CIT: variants seen among roughly 807,000 people sequenced by gnomAD.
CIT encodes the protein citron rho-interacting serine/threonine kinase, also known as citron Rho-interacting kinase.
In CIT, 79 loss-of-function variants were observed where a neutral mutation model predicts 272.7. The observed-to-expected ratio is 0.29, with a 90% CI of 0.24 to 0.35. The LOEUF is 0.35. Among genes scored for constraint, CIT ranks in the 10% least tolerant of loss-of-function variants. The pLI is 1.00. For synonymous variants in CIT, 948 were observed against 995.6 expected, an observed-to-expected ratio of 0.95 and a Z score of 0.90; for missense variants, 1,909 against 2,618.3, an observed-to-expected ratio of 0.73 and a Z score of 5.91.
chr12:119,802,018 T>G (rs1315025298), intron 10 of CIT, among the ~76,000 whole-genome samples: 1 of 152,130 alleles, frequency 6.6e-6, no homozygotes, highest in African/African-American at 2.4e-5. Flanking sequence ...CTCTGAAATC[T>G]TTTCAGGAAC....
chr12:119,852,571 G>A (rs1041651644), intron 4 of CIT, among the ~76,000 whole-genome samples: 1 of 151,924 alleles, frequency 6.6e-6, no homozygotes, highest in African/African-American at 2.4e-5. Flanking sequence ...ACAAAAATTA[G>A]CTGGGCATGG....
At chr12:119,793,924 G>A (rs2137798882) in intron 10 of CIT, among the ~76,000 whole-genome samples, 1 of 152,314 alleles carries the variant, frequency 6.6e-6, no homozygotes, top group Admixed American at 6.5e-5. Context: ...AGGGATTTTT[G>A]TCTCATAGTC....
At chr12:119,794,907 A>C (rs1965609346) in intron 10 of CIT, among the ~76,000 whole-genome samples, 1 of 152,230 alleles carries the variant, frequency 6.6e-6, no homozygotes, top group Non-Finnish European at 1.5e-5. Flanking sequence ...AGGCGACCTT[A>C]CACCTTCCAC....
intron 2 of CIT, among the ~76,000 whole-genome samples, chr12:119,870,863 G>A (rs1330421666): frequency 6.6e-6 from 1 of 152,156 alleles, no homozygotes; most frequent in Middle Eastern, 3.4e-3. Flanking sequence ...GCTCACACCT[G>A]TAATTCCAAC....
intron 5 of CIT, among the ~76,000 whole-genome samples, chr12:119,840,144 C>T (rs143962068): frequency 6.6e-6 from 1 of 152,234 alleles, no homozygotes; most frequent in East Asian, 1.9e-4. Flanking sequence ...CAGTGAGACC[C>T]CCATCCTTAC....
chr12:119,729,342 T>C (rs150186382), intron 27 of CIT, among the ~76,000 whole-genome samples: 5 of 152,336 alleles, frequency 3.3e-5, no homozygotes, highest in Admixed American at 3.3e-4. Context: ...TCTATTAATA[T>C]AAGTATCCGG....
intron 32 of CIT, among the ~76,000 whole-genome samples, chr12:119,717,834 C>CTTTTTTTTT (rs546520444): frequency 1.7e-4 from 12 of 70,238 alleles, no homozygotes; most frequent in African/African-American, 5.0e-4. Flanking sequence ...AGACTGACTT[C>CTTTTTTTTT]TTTCTTTTTT....
At chr12:119,698,182 A>G in intron 44 of CIT, 128 bp from the exon 45 acceptor site, 1 of 781,678 alleles carries the variant, frequency 1.3e-6, no homozygotes, top group Non-Finnish European at 2.2e-6. Flanking sequence ...ACAAATACAT[A>G]TCTATGCGCC....
chr12:119,793,106 TTATATA>T (rs1036172292), intron 10 of CIT, among the ~76,000 whole-genome samples: 1 of 151,950 alleles, frequency 6.6e-6, no homozygotes, highest in African/African-American at 2.4e-5. Context: ...ATATATATAT[TTATATA>T]TATACCATAC....
At chr12:119,864,660 C>T (rs187944306) in intron 3 of CIT, among the ~76,000 whole-genome samples, 16 of 152,274 alleles carry the variant, frequency 1.1e-4, no homozygotes, top group African/African-American at 3.1e-4. Flanking sequence ...TATAACACTG[C>T]TGTATATTTT....
intron 10 of CIT, among the ~76,000 whole-genome samples, chr12:119,802,131 T>C (rs1425332001): frequency 6.6e-6 from 1 of 152,170 alleles, no homozygotes; most frequent in African/African-American, 2.4e-5. Flanking sequence ...GAGGGAAAGA[T>C]GCTGCCAAGA....
At chr12:119,756,014 A>G (rs1431732445) in intron 22 of CIT, among the ~76,000 whole-genome samples, 10 of 152,220 alleles carry the variant, frequency 6.6e-5, no homozygotes, top group Non-Finnish European at 1.3e-4. Context: ...CTCCCATTTG[A>G]CAGATGCACA....
At chr12:119,702,054 C>T (rs927486509) in intron 41 of CIT, 96 bp from the exon 42 acceptor site, 5 of 856,788 alleles carry the variant, frequency 5.8e-6, no homozygotes, top group Non-Finnish European at 7.7e-6. Context: ...TCTAGCCAAG[C>T]CCTGGAGAAC....
At chr12:119,824,089 ATTAGAAAATAGT>A (rs2138055002) in intron 8 of CIT, among the ~76,000 whole-genome samples, 1 of 141,240 alleles carries the variant, frequency 7.1e-6, no homozygotes, top group East Asian at 2.1e-4. Context: ...AAGCACAGTT[ATTAGAAAATAGT>A]TTTACTGTAT....
In CIT at chr12:119,735,278, G is replaced by T. The variant is rs1958690727; in HGVS notation, c.3038C>A (p.Ser1013Tyr). ...AELNNQNFYL[S>Y]KQLDEASGAN... is the part of the protein sequence containing the mutation. Reference sequence around the variant, plus strand: ...GCCAGAAGCCTCATCGAGTTGTTTGGACAAGTAGAAGTTTTGGTTGTTGAG... The same window carrying T: ...GCCAGAAGCCTCATCGAGTTGTTTGTACAAGTAGAAGTTTTGGTTGTTGAG... The change falls in exon 25 of 48, where the codon TCC (serine) becomes TAC (tyrosine). Residue 1013 changes from serine to tyrosine, a missense_variant. By Grantham distance (144) the Ser-to-Tyr change is moderately radical (BLOSUM62 -2). Transcript: ENST00000392521. 2.5e-6 allele frequency: 4 copies of T among 1,614,108 alleles called. No homozygotes were observed. The highest frequency in any genetic ancestry group is 3.4e-6 in the Non-Finnish European group (4 of 1,180,046).
In CIT at chr12:119,728,692, G is replaced by A. The variant is rs7311120; in HGVS notation, c.3487-86C>T. 35,105 of 924,504 alleles carry A rather than the reference G, an allele frequency of 0.038. 1,160 individuals carry two copies. Among genetic ancestry groups the A allele is most frequent in the African/African-American group, 0.15 (9,121 of 60,230 alleles). 57.3% of individuals were successfully genotyped at this position (924,504 alleles called of 1,614,324 possible). A position where few individuals can be genotyped will look rare whatever the true frequency, so the allele number is the denominator to read the frequency against. ...TTATGAATGTCCACGAACCTTCACG[G>A]AGAAAGAATATTGAGTTCTAAAGGT... On this transcript the variant is annotated intron_variant, in intron 27 of 47. Transcript: ENST00000392521. The surrounding 1 kb of genome is among the most constrained non-coding windows in gnomAD (Gnocchi z 4.3).
At chr12:119,752,322 C>T in intron 22 of CIT, 75 bp from the exon 23 acceptor site, 2 of 1,357,046 alleles carry the variant, frequency 1.5e-6, no homozygotes, top group Non-Finnish European at 2.0e-6. Flanking sequence ...GAAGACATGA[C>T]CTGCTACTCA....
At chr12:119,859,989 A>G (rs1950288853) in intron 3 of CIT, among the ~76,000 whole-genome samples, 1 of 151,986 alleles carries the variant, frequency 6.6e-6, no homozygotes, top group Admixed American at 6.6e-5. Context: ...CTAATTTTTA[A>G]AATTTTTTTG....
intron 1 of CIT, among the ~76,000 whole-genome samples, chr12:119,876,701 C>A (rs1055847196): frequency 3.3e-5 from 5 of 152,128 alleles, no homozygotes; most frequent in African/African-American, 1.2e-4. Flanking sequence ...GAATGACCAG[C>A]AAGCCATGTT....
Sources: allele counts gnomAD v4.1 joint callset (sites outside exome capture counted in the v4.1 genomes callset), GRCh38; gene constraint gnomAD v4.1.1; non-coding constraint Gnocchi (gnomAD v3.1); transcripts MANE v1.5; gene names NCBI Gene and HGNC (gene_info 2026-07-23, HGNC 2026-07-21).